The following CABIN1 variants were observed in gnomAD, a reference collection of about 807,000 sequenced individuals.
CABIN1 encodes the protein calcineurin binding protein 1, also known as calcineurin-binding protein cabin-1.
Under a neutral mutation model 227.7 loss-of-function variants are expected in CABIN1, and 133 were observed. The ratio of observed to expected loss-of-function variants is 0.58; its 90% CI spans 0.51 to 0.67. CABIN1 has a LOEUF of 0.67. Ranked by LOEUF, CABIN1 falls within the 30% of genes least tolerant of loss-of-function variation. The pLI is 0.00. For missense variants in CABIN1, 2,408 were observed against 2,852.5 expected (o/e 0.84, Z 3.55); for synonymous variants, 1,086 against 1,155.1 (o/e 0.94, Z 1.21).
At chr22:24,091,456 T>C in intron 23 of CABIN1, 127 bp from the exon 24 acceptor site, 1 of 1,202,870 alleles carries the variant, frequency 8.3e-7, no homozygotes, top group Non-Finnish European at 1.2e-6. Flanking sequence ...TGAGGGCATT[T>C]CTGTGTCTTG....
At chr22:24,107,993 T>C (rs2042609385) in intron 26 of CABIN1, among the ~76,000 whole-genome samples, 1 of 152,260 alleles carries the variant, frequency 6.6e-6, no homozygotes, top group African/African-American at 2.4e-5. Flanking sequence ...TTTCAGAGAC[T>C]CTGAGGCCTC....
chr22:24,071,786 G>A (rs1249078980), intron 17 of CABIN1, among the ~76,000 whole-genome samples: 1 of 152,124 alleles, frequency 6.6e-6, no homozygotes, highest in Non-Finnish European at 1.5e-5. Flanking sequence ...TGAGCTCCAG[G>A]CCTGTCTCTC....
In CABIN1 at chr22:24,128,779, G is replaced by A. The variant is rs114088884; in HGVS notation, c.4633-5523G>A. ...GGGCTGAACACAGCTGAGGTCCATA[G>A]CCACCTTCCTGGCAGCCCTGTGGAG... On this transcript the variant is annotated intron_variant, in intron 28 of 36. Transcript: ENST00000263119. Among the ~76,000 whole-genome samples the A allele has an allele frequency of 9.6e-3, 1,457 of 152,326 alleles. 27 individuals carry two copies. The highest frequency in any genetic ancestry group is 0.033 in the African/African-American group (1,369 of 41,566).
At chr22:24,086,308 A>G (rs1247758007) in intron 22 of CABIN1, among the ~76,000 whole-genome samples, 1 of 152,184 alleles carries the variant, frequency 6.6e-6, no homozygotes, top group African/African-American at 2.4e-5. Flanking sequence ...CTGTCTTTGC[A>G]TGGCACCTCT....
Position 24,117,533 on chromosome 22 carries a change from T to G in CABIN1, c.4301-1834T>G, listed in dbSNP as rs55724235. On this transcript the variant is annotated intron_variant, in intron 27 of 36. Coordinates refer to ENST00000263119, the MANE Select transcript of CABIN1 (RefSeq NM_012295.4). ...GGTTCTTGTTTCTCAGGGGTTTTTT[T>G]GTTTGTTTTTTTGGGGGGGGGGTTA... 1.6e-3 allele frequency among the ~76,000 whole-genome samples: 228 copies of G among 139,488 alleles called. 2 individuals carry two copies. The highest frequency in any genetic ancestry group is 3.7e-3 in the Middle Eastern group (1 of 272). 91.5% of individuals were successfully genotyped at this position (139,488 alleles called of 152,430 possible).
At chr22:24,084,890 A>C in intron 21 of CABIN1, 105 bp downstream of exon 21, 1 of 1,563,584 alleles carries the variant, frequency 6.4e-7, no homozygotes, top group African/African-American at 1.4e-5. Context: ...TCTGTACCAG[A>C]CTGAGGGGCA....
chr22:24,152,111 G>A (rs554830331), intron 29 of CABIN1, among the ~76,000 whole-genome samples: 4 of 152,358 alleles, frequency 2.6e-5, no homozygotes, highest in East Asian at 3.9e-4. Flanking sequence ...GGATGTGCAC[G>A]TGATCCAGGC....
In CABIN1 at chr22:24,084,978, C is replaced by A. The variant is rs750565566; in HGVS notation, c.3118-28C>A. Reference sequence around the variant, plus strand: ...ACATCTGAGTCCTTGACTCCACCTCCCCTCATACTTTTCCTCTCACCTGCC... The same window carrying A: ...ACATCTGAGTCCTTGACTCCACCTCACCTCATACTTTTCCTCTCACCTGCC... On this transcript the variant is annotated intron_variant, in intron 21 of 36. Coordinates refer to ENST00000263119, the MANE Select transcript of CABIN1 (RefSeq NM_012295.4). 5.0e-6 allele frequency: 8 copies of A among 1,614,024 alleles called. No individual in the cohort carries two copies. In the South Asian group the frequency reaches 7.7e-5, roughly 16 times the overall value.
At chr22:24,107,858 G>A (rs192192577) in intron 26 of CABIN1, among the ~76,000 whole-genome samples, 7 of 152,304 alleles carry the variant, frequency 4.6e-5, no homozygotes, top group East Asian at 1.9e-4. Context: ...CTTGCTTCCT[G>A]GAGCTTGCCG....
At chr22:24,174,058 T>G (rs2046977380) in intron 34 of CABIN1, among the ~76,000 whole-genome samples, 1 of 151,886 alleles carries the variant, frequency 6.6e-6, no homozygotes. Flanking sequence ...TTGGCCAAGC[T>G]GGTCTTGAAC....
chr22:24,020,515 G>T (rs2035644393), intron 1 of CABIN1, among the ~76,000 whole-genome samples: 1 of 151,880 alleles, frequency 6.6e-6, no homozygotes, highest in South Asian at 2.1e-4. Context: ...GTAGAGATGA[G>T]GTCTCCCTAT....
In CABIN1 at chr22:24,164,273, AAG is replaced by A. The variant is rs1268265924; in HGVS notation, c.4747-125_4747-124del. 4 of 1,185,768 alleles carry A rather than the reference AAG, an allele frequency of 3.4e-6. No homozygotes were observed. In the African/African-American group the frequency reaches 6.0e-5, roughly 18 times the overall value. The allele number at this position is 1,185,768 out of a possible 1,614,324, so 73.5% of individuals were successfully genotyped here. A position where few individuals can be genotyped will look rare whatever the true frequency, so the allele number is the denominator to read the frequency against. ...CTCCTTGGGACAGTGAGAGGGGTCC[AAG>A]AAGCCCCTGGCTGGGCAGTGTCCCC... On this transcript the variant is annotated intron_variant, in intron 29 of 36. Coordinates refer to ENST00000263119, the MANE Select transcript of CABIN1 (RefSeq NM_012295.4).
chr22:24,148,370 A>G (rs183374423), intron 29 of CABIN1, among the ~76,000 whole-genome samples: 311 of 152,302 alleles, frequency 2.0e-3, no homozygotes, highest in Non-Finnish European at 3.3e-3. Context: ...TTTGAGCCCC[A>G]GAGTTAAAGG....
At chr22:24,038,526 C>T (rs78534434) in intron 4 of CABIN1, 65 bp downstream of exon 4, 2 of 1,127,556 alleles carry the variant, frequency 1.8e-6, no homozygotes, top group African/African-American at 1.5e-5. Context: ...GGGCTGGGTA[C>T]TCTGGGCCTT....
intron 7 of CABIN1, among the ~76,000 whole-genome samples, chr22:24,049,837 A>C (rs956839606): frequency 6.6e-6 from 1 of 151,296 alleles, no homozygotes. Context: ...CCATCTTCCC[A>C]CCTCTCCACC....
chr22:24,127,321 A>C (rs925939896), intron 28 of CABIN1, among the ~76,000 whole-genome samples: 2 of 152,196 alleles, frequency 1.3e-5, no homozygotes, highest in Non-Finnish European at 2.9e-5. Context: ...CATCAACTCC[A>C]CAGGGAGGGA....
At chr22:24,133,438 T>C (rs1178979239) in intron 28 of CABIN1, among the ~76,000 whole-genome samples, 1 of 151,792 alleles carries the variant, frequency 6.6e-6, no homozygotes, top group Non-Finnish European at 1.5e-5. Context: ...GCAGCTGGAG[T>C]GCAAGGTGAT....
intron 12 of CABIN1, among the ~76,000 whole-genome samples, chr22:24,060,857 G>A (rs1206766569): frequency 1.3e-5 from 2 of 151,806 alleles, no homozygotes; most frequent in Non-Finnish European, 2.9e-5. Flanking sequence ...CCGAGATGGC[G>A]CCACCGCACT....
In CABIN1 at chr22:24,076,536, A is replaced by G. The variant is rs74731987; in HGVS notation, c.2748+252A>G. Among the ~76,000 whole-genome samples, 1,344 of 152,232 alleles carry G rather than the reference A, an allele frequency of 8.8e-3. 10 individuals are homozygous for G. The highest frequency in any genetic ancestry group is 0.014 in the Non-Finnish European group (958 of 68,000). Reference sequence around the variant, plus strand: ...GCTCAGGAAGCTCCGGAGCTCTTGAACAGCAGGTGGATTTAGATCTACTAG... The same window carrying G: ...GCTCAGGAAGCTCCGGAGCTCTTGAGCAGCAGGTGGATTTAGATCTACTAG... On this transcript the variant is annotated intron_variant, in intron 19 of 36. Coordinates refer to ENST00000263119, the MANE Select transcript of CABIN1 (RefSeq NM_012295.4).
Sources: gnomAD v4.1 joint callset for allele counts (sites outside exome capture counted in the v4.1 genomes callset) on GRCh38, gnomAD v4.1.1 for gene constraint, MANE v1.5 for transcripts, NCBI Gene and HGNC (gene_info 2026-07-23, HGNC 2026-07-21) for gene names.